Variants in THADA observed in about 807,000 individuals in gnomAD.
The protein encoded by THADA is tRNA (32-2'-O)-methyltransferase regulator THADA.
Under a neutral mutation model 219.8 loss-of-function variants are expected in THADA, and 213 were observed. That is an observed-to-expected ratio of 0.97 (90% CI 0.87 to 1.09). The LOEUF is 1.09. Ranked by LOEUF, THADA falls within the 50% of genes least tolerant of loss-of-function variation. THADA has a pLI of 0.00. For synonymous variants in THADA, 1,018 were observed against 828.9 expected, an observed-to-expected ratio of 1.23 and a Z score of -3.92; for missense variants, 2,956 against 2,311.3, an observed-to-expected ratio of 1.28 and a Z score of -5.72.
intron 34 of THADA, among the ~76,000 whole-genome samples, chr2:43,291,216 G>A (rs1291517646): frequency 3.3e-5 from 5 of 151,744 alleles, no homozygotes; most frequent in African/African-American, 9.7e-5. Context: ...TTGGGAGGCC[G>A]AGGCGGGTGG....
At position 43,505,739 on chromosome 2, in the gene THADA, T is replaced by C. The variant is rs778256804; in HGVS notation, c.3508-4A>G. ...TTGGTTCAGATGCCAACAGTGCCTATGGAAAAAGAATGCAAAAATTAACAG... is the reference window on the plus strand; with the variant it reads ...TTGGTTCAGATGCCAACAGTGCCTACGGAAAAAGAATGCAAAAATTAACAG... On this transcript the variant is annotated splice_region_variant and splice_polypyrimidine_tract_variant and intron_variant, in intron 23 of 37. Coordinates refer to ENST00000405975, the MANE Select transcript of THADA (RefSeq NM_022065.5). The C allele has an allele frequency of 1.0e-5, 16 of 1,567,080 alleles. No homozygotes were observed. Among genetic ancestry groups the C allele is most frequent in the African/African-American group, 8.1e-5 (6 of 74,230 alleles).
chr2:43,372,710 T>C (rs940955549), intron 29 of THADA, among the ~76,000 whole-genome samples: 1 of 152,198 alleles, frequency 6.6e-6, no homozygotes, highest in Non-Finnish European at 1.5e-5. Context: ...TCAAAGTGGC[T>C]CGACTTCCAT....
At chr2:43,232,675 C>T in intron 37 of THADA, 38 bp downstream of exon 37, 2 of 1,608,158 alleles carry the variant, frequency 1.2e-6, no homozygotes, top group Non-Finnish European at 1.7e-6. Flanking sequence ...TAGGACACTC[C>T]AACCCTGCCT....
chr2:43,468,643 G>A (rs1284276207), intron 26 of THADA, among the ~76,000 whole-genome samples: 1 of 152,088 alleles, frequency 6.6e-6, no homozygotes, highest in South Asian at 2.1e-4. Context: ...AGCGCTTTAG[G>A]ATGGGCAAAA....
intron 28 of THADA, among the ~76,000 whole-genome samples, chr2:43,409,844 C>T (rs1342088786): frequency 6.6e-6 from 1 of 151,806 alleles, no homozygotes; most frequent in Non-Finnish European, 1.5e-5. Flanking sequence ...AAATGAGACC[C>T]TGTCTCTACA....
chr2:43,521,550 C>T (rs919988200), intron 22 of THADA, among the ~76,000 whole-genome samples: 2 of 151,936 alleles, frequency 1.3e-5, no homozygotes, highest in African/African-American at 4.8e-5. Flanking sequence ...AGCAAGACTC[C>T]AGCTCAAAAA....
intron 28 of THADA, among the ~76,000 whole-genome samples, chr2:43,418,193 T>G (rs777866405): frequency 4.6e-5 from 7 of 152,322 alleles, no homozygotes; most frequent in Non-Finnish European, 7.3e-5. Flanking sequence ...AGTCACTTTT[T>G]GAATGTGGGC....
chr2:43,548,923 C>T (rs758065075), intron 20 of THADA, among the ~76,000 whole-genome samples: 1 of 152,202 alleles, frequency 6.6e-6, no homozygotes, highest in Non-Finnish European at 1.5e-5. Flanking sequence ...GAACCCGGTA[C>T]CTCAGATGGA....
intron 36 of THADA, among the ~76,000 whole-genome samples, chr2:43,257,450 A>T (rs538078796): frequency 3.2e-4 from 48 of 152,344 alleles, no homozygotes; most frequent in Non-Finnish European, 2.6e-4. Flanking sequence ...CCCAATTCCA[A>T]AAGGCTGGGC....
intron 29 of THADA, among the ~76,000 whole-genome samples, chr2:43,348,527 C>T (rs377566877): frequency 1.2e-4 from 18 of 152,200 alleles, no homozygotes; most frequent in African/African-American, 4.1e-4. Context: ...CACTTACCTG[C>T]CTGGCACGGG....
Position 43,581,882 on chromosome 2 carries a change from A to G in THADA, c.580T>C (p.Leu194=). Residue 194 remains leucine (L), a synonymous_variant, in exon 8 of 38, where the codon TTA becomes CTA. Transcript: ENST00000405975. The stretch of plus-strand genomic sequence containing the variant: ...ATTGAAACTCTAATGCCTACCAGTA[A>G]GTCATTCATCAACTGTGTTTGAATA... ...HIIQTQLMND[L]LVGIRVSMML... The G allele has an allele frequency of 1.9e-6, 3 of 1,600,918 alleles. No individual in the cohort carries two copies. The highest frequency in any genetic ancestry group is 1.7e-6 in the Non-Finnish European group (2 of 1,175,952).
chr2:43,287,154 G>C, intron 34 of THADA, 93 bp from the exon 35 acceptor site: 4 of 1,192,750 alleles, frequency 3.4e-6, no homozygotes, highest in Non-Finnish European at 4.7e-6. Flanking sequence ...TGGGCCTGTA[G>C]ATTAGCTCTT....
intron 25 of THADA, among the ~76,000 whole-genome samples, chr2:43,496,273 TATA>T (rs1227188668): frequency 2.6e-5 from 4 of 152,220 alleles, no homozygotes; most frequent in African/African-American, 9.6e-5. Context: ...GAAAACAAAC[TATA>T]ATGTTTCTCC....
At chr2:43,473,734 G>A (rs1486721462) in intron 26 of THADA, among the ~76,000 whole-genome samples, 3 of 151,766 alleles carry the variant, frequency 2.0e-5, no homozygotes, top group Admixed American at 1.3e-4. Context: ...TCAGCCTCCC[G>A]AGTAGCTGGG....
chr2:43,584,983 G>A (rs1310891388), intron 7 of THADA, among the ~76,000 whole-genome samples: 1 of 152,178 alleles, frequency 6.6e-6, no homozygotes, highest in Non-Finnish European at 1.5e-5. Flanking sequence ...TGAGACCTCA[G>A]CCTTCTTCCC....
intron 28 of THADA, among the ~76,000 whole-genome samples, chr2:43,407,080 T>C (rs1675638064): frequency 6.6e-6 from 1 of 152,158 alleles, no homozygotes; most frequent in Non-Finnish European, 1.5e-5. Context: ...AGTGGATGGG[T>C]CTGAGAAATC....
chr2:43,381,825 T>C (rs1026346190), intron 29 of THADA, among the ~76,000 whole-genome samples: 1 of 152,154 alleles, frequency 6.6e-6, no homozygotes, highest in Non-Finnish European at 1.5e-5. Flanking sequence ...CCTCAAGTGA[T>C]CTGCCTGCCT....
Position 43,291,686 on chromosome 2 carries a change from C to G in THADA, c.5010+10G>C, listed in dbSNP as rs778572058. ...CCTAGGTCCCGGAACAAGATCAGAA[C>G]CAGCCTTACCTCCACACATGTCTGC... On this transcript the variant is annotated intron_variant, in intron 34 of 37. Coordinates refer to ENST00000405975, the MANE Select transcript of THADA (RefSeq NM_022065.5). The G allele has an allele frequency of 3.3e-6, 5 of 1,538,042 alleles. No homozygotes were observed. Among genetic ancestry groups the G allele is most frequent in the Non-Finnish European group, 8.8e-7 (1 of 1,138,820 alleles).
intron 26 of THADA, among the ~76,000 whole-genome samples, chr2:43,443,281 A>T (rs150353994): frequency 6.6e-6 from 1 of 152,386 alleles, no homozygotes; most frequent in African/African-American, 2.4e-5. Context: ...AAAAGGAATT[A>T]TGACCAAGAT....
Sources: gnomAD v4.1 joint callset for allele counts (sites outside exome capture counted in the v4.1 genomes callset) on GRCh38, gnomAD v4.1.1 for gene constraint, MANE v1.5 for transcripts, NCBI Gene and HGNC (gene_info 2026-07-23, HGNC 2026-07-21) for gene names.